The following GAS2 variants were observed in gnomAD, a reference collection of about 807,000 sequenced individuals.
The protein encoded by GAS2 is growth arrest-specific protein 2.
A neutral mutation model predicts 37.5 loss-of-function variants in GAS2; 20 were observed. That is an observed-to-expected ratio of 0.53 (90% confidence interval 0.37 to 0.77). The LOEUF (loss-of-function observed/expected upper bound fraction) is 0.77. Ranked by LOEUF, GAS2 falls within the 30% of genes least tolerant of loss-of-function variation. The pLI, the probability that GAS2 is intolerant of heterozygous loss-of-function variation, is 0.00. For missense variants in GAS2, 336 were observed against 373.4 expected (o/e 0.90, Z 0.82); for synonymous variants, 144 against 132.2 (o/e 1.09, Z -0.61).
At chr11:22,641,071 T>C (rs1409638230) in intron 1 of GAS2, among the ~76,000 whole-genome samples, 3 of 151,468 alleles carry the variant, frequency 2.0e-5, no homozygotes, top group Admixed American at 6.6e-5. Context: ...CTTGTTCCCT[T>C]GCACTCTGGC....
intron 7 of GAS2, 55 bp from the exon 8 acceptor site, chr11:22,811,743 C>G: frequency 6.6e-7 from 1 of 1,520,206 alleles, no homozygotes; most frequent in Non-Finnish European, 9.1e-7. Context: ...GGGGTTGATT[C>G]AAGGTACTGT....
At chr11:22,794,108 C>CA (rs1345750671) in intron 7 of GAS2, among the ~76,000 whole-genome samples, 16 of 26,396 alleles carry the variant, frequency 6.1e-4, no homozygotes, top group African/African-American at 1.1e-3. Context: ...AGTAATAAAA[C>CA]AATTTTTTTT....
At chr11:22,775,454 A>G (rs970375209) in intron 7 of GAS2, among the ~76,000 whole-genome samples, 2 of 152,150 alleles carry the variant, frequency 1.3e-5, no homozygotes, top group Admixed American at 1.3e-4. Context: ...ACAGAAAAGC[A>G]ACATGTTGAT....
chr11:22,689,368 C>T lies in GAS2; in HGVS notation c.267+3579C>T, dbSNP rs1039595677. ...TCTGAGGTAAAAGTTGACACAGTTGCTCTTGACTGAATTGCCTTCTCTGTT... is the reference window on the plus strand; with the variant it reads ...TCTGAGGTAAAAGTTGACACAGTTGTTCTTGACTGAATTGCCTTCTCTGTT... On this transcript the variant is annotated intron_variant, in intron 3 of 7. Coordinates refer to ENST00000454584, the MANE Select transcript of GAS2 (RefSeq NM_001143830.3). Among the ~76,000 whole-genome samples the T allele has an allele frequency of 4.2e-4, 64 of 152,190 alleles. 1 individual carries two copies. Among genetic ancestry groups the T allele is most frequent in the Non-Finnish European group, 1.8e-4 (12 of 68,034 alleles).
At position 22,680,012 on chromosome 11, in the gene GAS2, C is replaced by T. The variant is rs539471505; in HGVS notation, c.145+4998C>T. Among the ~76,000 whole-genome samples the T allele has an allele frequency of 2.6e-5, 4 of 151,990 alleles. No homozygotes were observed. In the South Asian group the frequency reaches 8.3e-4, roughly 32 times the overall value. On this transcript the variant is annotated intron_variant, in intron 2 of 7. Coordinates refer to ENST00000454584, the MANE Select transcript of GAS2 (RefSeq NM_001143830.3). ...TAACATTTCATTTTTTTTAGTTATT[C>T]TTGAAAAATAACATTTTCAGCATTA...
chr11:22,631,133 A>G (rs552558652), intron 1 of GAS2, among the ~76,000 whole-genome samples: 82 of 152,174 alleles, frequency 5.4e-4, no homozygotes, highest in African/African-American at 1.8e-3. Context: ...TCTTGATTTT[A>G]TTCTCAGCTT....
At chr11:22,732,138 G>A (rs1852508968) in intron 4 of GAS2, among the ~76,000 whole-genome samples, 1 of 151,652 alleles carries the variant, frequency 6.6e-6, no homozygotes, top group Admixed American at 6.6e-5. Flanking sequence ...TACTTTGTCT[G>A]CGTTCATTTT....
chr11:22,790,922 G>T (rs1041005193), intron 7 of GAS2, among the ~76,000 whole-genome samples: 2 of 152,098 alleles, frequency 1.3e-5, no homozygotes, highest in African/African-American at 4.8e-5. Flanking sequence ...GAGTGTCAAA[G>T]ATAATTGGGA....
intron 3 of GAS2, among the ~76,000 whole-genome samples, chr11:22,698,167 T>TA (rs768114778): frequency 1.3e-4 from 19 of 151,926 alleles, no homozygotes; most frequent in Non-Finnish European, 2.4e-4. Flanking sequence ...ATAGATGCAA[T>TA]AAAAAATGAT....
intron 7 of GAS2, among the ~76,000 whole-genome samples, chr11:22,780,045 GTA>G (rs1432873401): frequency 6.6e-6 from 1 of 152,182 alleles, no homozygotes; most frequent in African/African-American, 2.4e-5. Flanking sequence ...CCAGTGTGGT[GTA>G]CTCTCTAGTA....
chr11:22,666,607 A>T (rs1848989767), upstream of GAS2: 1 of 152,286 alleles, frequency 6.6e-6, no homozygotes, highest in African/African-American at 2.4e-5. Context: ...CACCAAAAAA[A>T]GTAAGCATTT....
At chr11:22,642,893 A>T (rs945699576) in intron 1 of GAS2, among the ~76,000 whole-genome samples, 2 of 152,172 alleles carry the variant, frequency 1.3e-5, no homozygotes, top group African/African-American at 2.4e-5. Context: ...AAAGGATGTT[A>T]AAACAGCGGC....
At chr11:22,782,762 T>A (rs2134502297) in intron 7 of GAS2, among the ~76,000 whole-genome samples, 1 of 132,406 alleles carries the variant, frequency 7.6e-6, no homozygotes, top group South Asian at 2.3e-4. Flanking sequence ...AATGTGATTT[T>A]GTTCTTTTTT....
intron 4 of GAS2, among the ~76,000 whole-genome samples, chr11:22,727,446 G>C (rs1452712130): frequency 6.6e-6 from 1 of 151,970 alleles, no homozygotes; most frequent in Non-Finnish European, 1.5e-5. Context: ...GCGTAACCTA[G>C]GAAATTTATG....
At chr11:22,721,294 C>G (rs1816768051) in intron 3 of GAS2, among the ~76,000 whole-genome samples, 2 of 152,126 alleles carry the variant, frequency 1.3e-5, no homozygotes, top group African/African-American at 4.8e-5. Context: ...CAGTATAATG[C>G]TAAATAAGAT....
intron 7 of GAS2, among the ~76,000 whole-genome samples, chr11:22,792,083 C>T (rs927841097): frequency 6.6e-6 from 1 of 152,170 alleles, no homozygotes; most frequent in African/African-American, 2.4e-5. Flanking sequence ...TATCATTGCA[C>T]ACAGTGGGTT....
intron 7 of GAS2, among the ~76,000 whole-genome samples, chr11:22,792,001 C>T (rs1234605925): frequency 6.6e-6 from 1 of 152,158 alleles, no homozygotes; most frequent in Admixed American, 6.5e-5. Context: ...CATAGTTTCT[C>T]ACTGACATGA....
chr11:22,657,718 A>G (rs141052889), intron 1 of GAS2, among the ~76,000 whole-genome samples: 106 of 152,334 alleles, frequency 7.0e-4, no homozygotes, highest in African/African-American at 2.4e-3. Flanking sequence ...CTGCAGGGTC[A>G]TGACTACCGT....
intron 7 of GAS2, among the ~76,000 whole-genome samples, 155 bp downstream of exon 7, chr11:22,756,108 A>G (rs10833806): frequency 0.14 from 21,761 of 152,074 alleles, 1,701 homozygotes; most frequent in East Asian, 0.2. Flanking sequence ...ATTATAATGT[A>G]CTACTGAAGG....
Sources: allele counts gnomAD v4.1 joint callset (sites outside exome capture counted in the v4.1 genomes callset), GRCh38; gene constraint gnomAD v4.1.1; transcripts MANE v1.5; gene names NCBI Gene and HGNC (gene_info 2026-07-23, HGNC 2026-07-21).